The following IQCM variants were observed in gnomAD, a reference collection of about 807,000 sequenced individuals.
IQCM encodes IQ domain-containing protein M.
A neutral mutation model predicts 57.6 loss-of-function variants in IQCM; 45 were observed. The ratio of observed to expected loss-of-function variants is 0.78; its 90% confidence interval spans 0.62 to 1.00. The LOEUF is 1.00. IQCM is among the 50% of genes least tolerant of loss of function. The probability of loss-of-function intolerance (pLI) is 0.00; values close to 1 mark genes in which losing one functional copy is unlikely to be tolerated. For synonymous variants in IQCM, 148 were observed against 158.9 expected, an observed-to-expected ratio of 0.93 and a Z score of 0.51; for missense variants, 468 against 511.6, an observed-to-expected ratio of 0.91 and a Z score of 0.82.
chr4:149,712,346 TCACA>T (rs35704697), intron 5 of IQCM, among the ~76,000 whole-genome samples: 10 of 147,858 alleles, frequency 6.8e-5, no homozygotes, highest in Admixed American at 2.7e-4. Context: ...CTGTCAATGT[TCACA>T]CACACACACA....
At chr4:149,392,135 T>TC (rs1201216400) in intron 13 of IQCM, among the ~76,000 whole-genome samples, 2 of 151,768 alleles carry the variant, frequency 1.3e-5, no homozygotes, top group Non-Finnish European at 2.9e-5. Flanking sequence ...GTTTTTTTTT[T>TC]TTTCACATAG....
chr4:149,537,346 TCAGCCACA>T (rs972846792), intron 12 of IQCM, among the ~76,000 whole-genome samples: 1 of 151,724 alleles, frequency 6.6e-6, no homozygotes, highest in African/African-American at 2.4e-5. Flanking sequence ...CAAAATGATC[TCAGCCACA>T]GATTTGAAAA....
chr4:149,744,981 C>T (rs982482353), intron 2 of IQCM, among the ~76,000 whole-genome samples: 1 of 151,976 alleles, frequency 6.6e-6, no homozygotes, highest in Non-Finnish European at 1.5e-5. Flanking sequence ...ACAACATCAC[C>T]GAGGCCTGAG....
intron 13 of IQCM, among the ~76,000 whole-genome samples, chr4:149,365,338 G>A (rs532751733): frequency 6.6e-6 from 1 of 152,118 alleles, no homozygotes; most frequent in South Asian, 2.1e-4. Flanking sequence ...AAATAATACA[G>A]TATTAGATTA....
At chr4:149,409,360 C>T (rs1733209018) in intron 13 of IQCM, among the ~76,000 whole-genome samples, 1 of 152,188 alleles carries the variant, frequency 6.6e-6, no homozygotes, top group Non-Finnish European at 1.5e-5. Flanking sequence ...ACCAGAATGG[C>T]CTCCACTCAG....
At chr4:149,708,364 A>C (rs1339203952) in intron 5 of IQCM, among the ~76,000 whole-genome samples, 1 of 152,010 alleles carries the variant, frequency 6.6e-6, no homozygotes, top group East Asian at 1.9e-4. Context: ...ATTGCTTAGG[A>C]TCATAGACAG....
At chr4:149,520,772 T>C (rs1745555797) in intron 12 of IQCM, among the ~76,000 whole-genome samples, 1 of 152,110 alleles carries the variant, frequency 6.6e-6, no homozygotes, top group Admixed American at 6.6e-5. Context: ...TCAAAGTCTT[T>C]CCCAGTTATG....
At chr4:149,435,682 A>G (rs1457630754) in intron 12 of IQCM, among the ~76,000 whole-genome samples, 4 of 152,020 alleles carry the variant, frequency 2.6e-5, no homozygotes, top group African/African-American at 4.8e-5. Flanking sequence ...ATTGGCCCTG[A>G]AGATTTTACA....
chr4:149,634,324 G>A (rs1455883316), intron 7 of IQCM, among the ~76,000 whole-genome samples: 1 of 152,082 alleles, frequency 6.6e-6, no homozygotes, highest in Non-Finnish European at 1.5e-5. Flanking sequence ...TCACTTCACT[G>A]ATCCTGATAT....
At chr4:149,812,151 A>G (rs1433456329) in intron 2 of IQCM, among the ~76,000 whole-genome samples, 1 of 152,192 alleles carries the variant, frequency 6.6e-6, no homozygotes, top group African/African-American at 2.4e-5. Context: ...TTCAGAAGTC[A>G]AAGTATGGTT....
chr4:149,512,509 CATTTT>C (rs1261480300), intron 12 of IQCM, among the ~76,000 whole-genome samples: 1 of 152,144 alleles, frequency 6.6e-6, no homozygotes, highest in Non-Finnish European at 1.5e-5. Flanking sequence ...CAGCTTTTGA[CATTTT>C]ATATTAGGTT....
chr4:149,693,960 G>A (rs534571128), intron 5 of IQCM, among the ~76,000 whole-genome samples: 2 of 152,230 alleles, frequency 1.3e-5, no homozygotes, highest in African/African-American at 4.8e-5. Context: ...GAAACAATTT[G>A]CAGCACTCAT....
chr4:149,650,742 A>T (rs1759099273), intron 7 of IQCM, among the ~76,000 whole-genome samples: 1 of 152,158 alleles, frequency 6.6e-6, no homozygotes, highest in Non-Finnish European at 1.5e-5. Context: ...GTTACCACAC[A>T]GCTAAGAAAC....
intron 12 of IQCM, among the ~76,000 whole-genome samples, chr4:149,443,895 A>C (rs1291981519): frequency 6.6e-6 from 1 of 151,976 alleles, no homozygotes; most frequent in African/African-American, 2.4e-5. Context: ...GATGTTTGGA[A>C]GGAGAAGTAA....
chr4:149,651,743 C>T (rs1488716989), intron 7 of IQCM, among the ~76,000 whole-genome samples: 1 of 152,072 alleles, frequency 6.6e-6, no homozygotes, highest in East Asian at 1.9e-4. Flanking sequence ...AACATATGGC[C>T]TAAGAAGATT....
chr4:149,401,834 T>G (rs999922326), intron 13 of IQCM, among the ~76,000 whole-genome samples: 2 of 151,940 alleles, frequency 1.3e-5, no homozygotes, highest in African/African-American at 2.4e-5. Flanking sequence ...CCATGAAAAC[T>G]TAGCACAATT....
At chr4:149,524,497 G>A (rs969355283) in intron 12 of IQCM, among the ~76,000 whole-genome samples, 1 of 151,916 alleles carries the variant, frequency 6.6e-6, no homozygotes, top group Non-Finnish European at 1.5e-5. Flanking sequence ...AGAGAAGAGT[G>A]AAAAATGAAT....
At chr4:149,460,962 C>CGGT (rs1738210646) in intron 12 of IQCM, among the ~76,000 whole-genome samples, 1 of 152,044 alleles carries the variant, frequency 6.6e-6, no homozygotes, top group African/African-American at 2.4e-5. Flanking sequence ...TGGCCAGGAA[C>CGGT]GGTGGCTCAT....
chr4:149,552,897 A>C (rs1029787688), intron 11 of IQCM, among the ~76,000 whole-genome samples: 2 of 152,192 alleles, frequency 1.3e-5, no homozygotes, highest in Non-Finnish European at 2.9e-5. Flanking sequence ...TTGTTTCACT[A>C]TCTTTGCAAT....
Sources: allele counts gnomAD v4.1 joint callset (sites outside exome capture counted in the v4.1 genomes callset), GRCh38; gene constraint gnomAD v4.1.1; transcripts MANE v1.5; gene names NCBI Gene and HGNC (gene_info 2026-07-23, HGNC 2026-07-21).